The following PDE4D variants were observed in gnomAD, a reference collection of about 807,000 sequenced individuals.
PDE4D encodes 3',5'-cyclic-AMP phosphodiesterase 4D.
Under a neutral mutation model 87.4 loss-of-function variants are expected in PDE4D, and 24 were observed. The observed-to-expected ratio is 0.27, with a 90% CI of 0.20 to 0.39. The LOEUF is 0.39. Ranked by LOEUF, PDE4D falls within the 10% of genes least tolerant of loss-of-function variation. The pLI is 1.00. For synonymous variants in PDE4D, 384 were observed against 383.2 expected (o/e 1.00, Z -0.02); for missense variants, 714 against 1,041.0 (o/e 0.69, Z 4.32).
intron 2 of PDE4D, among the ~76,000 whole-genome samples, chr5:60,043,783 C>T (rs1031902234): frequency 1.3e-5 from 2 of 151,762 alleles, no homozygotes; most frequent in African/African-American, 2.4e-5. Flanking sequence ...CATTTCTGAC[C>T]GAAAAATTTC....
intron 1 of PDE4D, among the ~76,000 whole-genome samples, chr5:60,222,537 G>C (rs1744620388): frequency 6.6e-6 from 1 of 152,150 alleles, no homozygotes; most frequent in Non-Finnish European, 1.5e-5. Flanking sequence ...TCATAGGGTA[G>C]ATGTACATTC....
intron 1 of PDE4D, among the ~76,000 whole-genome samples, chr5:59,388,082 C>T (rs431645): frequency 0.25 from 37,324 of 151,646 alleles, 4,858 homozygotes; most frequent in East Asian, 0.39. Context: ...CTTAACATAA[C>T]GTCATCCAGA....
At position 59,817,349 on chromosome 5, in the gene PDE4D, G is replaced by C. The variant is rs544398951; in HGVS notation, c.455+75819C>G. On this transcript the variant is annotated intron_variant, in intron 1 of 14. Transcript: ENST00000340635. ...CTACCATGTGTGGGACAGTGTCTTA[G>C]GTATTAGGAATACAACAAAGAAGAA... Among the ~76,000 whole-genome samples, 9 of 152,256 alleles carry C rather than the reference G, an allele frequency of 5.9e-5. No individual in the cohort carries two copies. The South Asian group carries it at 1.9e-3, about 32-fold the overall frequency.
intron 5 of PDE4D, among the ~76,000 whole-genome samples, chr5:59,093,680 C>A (rs932993693): frequency 1.3e-5 from 2 of 152,322 alleles, no homozygotes; most frequent in South Asian, 4.1e-4. Flanking sequence ...TTCTTGCCAT[C>A]ATTGTCATTG....
In PDE4D at chr5:59,408,744, G is replaced by T. The variant is rs145867027; in HGVS notation, c.456-192776C>A. Among the ~76,000 whole-genome samples, 520 of 152,296 alleles carry T rather than the reference G, an allele frequency of 3.4e-3. 4 individuals carry two copies. The highest frequency in any genetic ancestry group is 0.012 in the African/African-American group (502 of 41,568). Reference sequence around the variant, plus strand: ...CAGTGTGACCTGGATGTGGGACATGGAGTCAAAGGAGATTATTTTAGAACT... The same window carrying T: ...CAGTGTGACCTGGATGTGGGACATGTAGTCAAAGGAGATTATTTTAGAACT... On this transcript the variant is annotated intron_variant, in intron 1 of 14. Transcript: ENST00000340635.
intron 1 of PDE4D, among the ~76,000 whole-genome samples, chr5:60,231,730 G>A (rs2149627593): frequency 6.6e-6 from 1 of 152,084 alleles, no homozygotes; most frequent in South Asian, 2.1e-4. Flanking sequence ...TCCCTGCTAT[G>A]TAACTAAACA....
At chr5:60,055,908 C>CTT (rs1242039881) in intron 2 of PDE4D, among the ~76,000 whole-genome samples, 1 of 151,554 alleles carries the variant, frequency 6.6e-6, no homozygotes, top group African/African-American at 2.4e-5. Context: ...GAAGAAAAGG[C>CTT]TTAACAAAGA....
At chr5:59,897,555 A>G (rs1342694213), upstream of PDE4D, among the ~76,000 whole-genome samples, 1 of 152,108 alleles carries the variant, frequency 6.6e-6, no homozygotes, top group African/African-American at 2.4e-5. Flanking sequence ...GCACCCATTA[A>G]CTTGTCATTT....
At chr5:59,623,203 C>G (rs1162392814) in intron 1 of PDE4D, among the ~76,000 whole-genome samples, 1 of 152,180 alleles carries the variant, frequency 6.6e-6, no homozygotes. Context: ...TTCTTCTGCT[C>G]CAACATTTTC....
chr5:60,280,667 G>C (rs1751811112), intron 1 of PDE4D, among the ~76,000 whole-genome samples: 1 of 152,068 alleles, frequency 6.6e-6, no homozygotes, highest in Admixed American at 6.6e-5. Context: ...CAAACCCTCA[G>C]CACCTGATGC....
intron 1 of PDE4D, among the ~76,000 whole-genome samples, chr5:60,426,465 G>A (rs187821296): frequency 7.0e-4 from 106 of 152,172 alleles, no homozygotes; most frequent in Non-Finnish European, 1.3e-3. Context: ...TCACTCATAG[G>A]TGGGAATTGA....
chr5:60,432,745 G>A (rs998073669), intron 1 of PDE4D, among the ~76,000 whole-genome samples: 38 of 152,040 alleles, frequency 2.5e-4, no homozygotes, highest in African/African-American at 8.5e-4. Context: ...TAGACCACTG[G>A]AACAGAATAG....
chr5:59,658,453 C>T (rs1277406196), intron 1 of PDE4D, among the ~76,000 whole-genome samples: 6 of 151,988 alleles, frequency 3.9e-5, no homozygotes, highest in African/African-American at 2.4e-5. Flanking sequence ...ACGATGTCGG[C>T]TCACTGCAAG....
At chr5:59,619,433 C>A (rs775940931) in intron 1 of PDE4D, among the ~76,000 whole-genome samples, 19 of 152,352 alleles carry the variant, frequency 1.2e-4, no homozygotes, top group Admixed American at 3.3e-4. Context: ...ATATCACAAT[C>A]ATCTGTGGAA....
chr5:59,402,154 T>C (rs1465783413), intron 1 of PDE4D, among the ~76,000 whole-genome samples: 1 of 152,186 alleles, frequency 6.6e-6, no homozygotes, highest in Non-Finnish European at 1.5e-5. Context: ...GGCATGGAAA[T>C]TCGTTTTATT....
intron 2 of PDE4D, among the ~76,000 whole-genome samples, chr5:60,103,119 C>T (rs2149335559): frequency 6.6e-6 from 1 of 152,192 alleles, no homozygotes; most frequent in Non-Finnish European, 1.5e-5. Flanking sequence ...AGGGAGGTAC[C>T]ATGACTACTA....
intron 1 of PDE4D, among the ~76,000 whole-genome samples, chr5:60,505,816 T>C (rs16878181): frequency 0.012 from 1,795 of 152,348 alleles, 39 homozygotes; most frequent in African/African-American, 0.041. Flanking sequence ...AGGGTGCCAT[T>C]TTAATTCAGT....
intron 1 of PDE4D, among the ~76,000 whole-genome samples, chr5:60,271,756 A>G (rs949046915): frequency 6.6e-6 from 1 of 152,228 alleles, no homozygotes; most frequent in African/African-American, 2.4e-5. Context: ...AGTCTGAGTT[A>G]CACGCTGCAC....
intron 3 of PDE4D, among the ~76,000 whole-genome samples, chr5:59,914,866 GGTGTGTGTGTGTGTGT>G (rs3062699): frequency 1.5e-4 from 19 of 122,622 alleles, no homozygotes; most frequent in East Asian, 1.4e-3. Context: ...TACTGATAGG[GGTGTGTGTGTGTGTGT>G]GTGTGTGTGT....
Sources: gnomAD v4.1 joint callset for allele counts (sites outside exome capture counted in the v4.1 genomes callset) on GRCh38, gnomAD v4.1.1 for gene constraint, MANE v1.5 for transcripts, NCBI Gene and HGNC (gene_info 2026-07-23, HGNC 2026-07-21) for gene names.